The following ASPG variants were observed in gnomAD, a reference collection of about 807,000 sequenced individuals.
ASPG encodes the protein asparaginase, also known as 60 kDa lysophospholipase.
Under a neutral mutation model 63.2 loss-of-function variants are expected in ASPG, and 53 were observed. That is an observed-to-expected ratio of 0.84 (90% CI 0.67 to 1.05). The LOEUF is 1.05. ASPG is among the 50% of genes least tolerant of loss of function. The pLI is 0.00. For synonymous variants in ASPG, 370 were observed against 355.0 expected, an observed-to-expected ratio of 1.04 and a Z score of -0.48; for missense variants, 741 against 794.4, an observed-to-expected ratio of 0.93 and a Z score of 0.81.
intron 1 of ASPG, among the ~76,000 whole-genome samples, 180 bp from the exon 2 acceptor site, chr14:104,092,453 C>T (rs1027169374): frequency 3.9e-5 from 6 of 152,158 alleles, no homozygotes; most frequent in East Asian, 3.9e-4. Flanking sequence ...CTTCCAAACG[C>T]GGGTCAGCCG....
intron 6 of ASPG, among the ~76,000 whole-genome samples, chr14:104,100,900 T>G (rs2036846046): frequency 6.6e-6 from 1 of 152,158 alleles, no homozygotes; most frequent in Non-Finnish European, 1.5e-5. Context: ...TGGGGCCTGA[T>G]TCACACCTTA....
At chr14:104,107,090 G>T in intron 11 of ASPG, 92 bp from the exon 12 acceptor site, 1 of 1,465,516 alleles carries the variant, frequency 6.8e-7, no homozygotes. Flanking sequence ...GCTGTGCTGG[G>T]CCCTACCCTC....
intron 3 of ASPG, 43 bp from the exon 4 acceptor site, chr14:104,095,488 C>T: frequency 6.2e-7 from 1 of 1,610,284 alleles, no homozygotes; most frequent in Non-Finnish European, 8.5e-7. Flanking sequence ...CCCACACCTG[C>T]TTGCGAGGGG....
rs367683206 is a variant in ASPG, at chr14:104,114,139, G to C, written c.*1595G>C. 1.3e-5 allele frequency: 2 copies of C among 152,294 alleles called. No individual in the cohort carries two copies. Among genetic ancestry groups the C allele is most frequent in the African/African-American group, 4.8e-5 (2 of 41,456 alleles). 9.4% of individuals were successfully genotyped at this position (152,294 alleles called of 1,614,324 possible). On this transcript the variant is annotated 3_prime_UTR_variant, in exon 16 of 16. Coordinates refer to ENST00000551177, the MANE Select transcript of ASPG (RefSeq NM_001080464.3). ...ACGCCACCCCACTCAGTGCTGCTCC[G>C]GGTTGTGAAAGCTGCAGGTGGCTCA...
At position 104,110,060 on chromosome 14, in the gene ASPG, T is replaced by C; in HGVS notation, c.1520+745T>C. ...ACCCCATGCCTTGTGCCTGGTGACT[T>C]GGCGCTGCCTCCTGTGCCCAGCCTG... On this transcript the variant is annotated intron_variant, in intron 13 of 15. Coordinates refer to ENST00000551177, the MANE Select transcript of ASPG (RefSeq NM_001080464.3). This position sits in a 1 kb window ranked among gnomAD's most constrained non-coding sequence, Gnocchi z 4.7. The C allele has an allele frequency of 2.0e-6, 2 of 985,344 alleles. No homozygotes were observed. Among genetic ancestry groups the C allele is most frequent in the Non-Finnish European group, 2.4e-6 (2 of 829,908 alleles). 61.0% of individuals were successfully genotyped at this position (985,344 alleles called of 1,614,324 possible). A position where few individuals can be genotyped will look rare whatever the true frequency, so the allele number is the denominator to read the frequency against.
intron 12 of ASPG, among the ~76,000 whole-genome samples, chr14:104,107,635 C>A (rs181071701): frequency 6.6e-6 from 1 of 152,152 alleles, no homozygotes; most frequent in Non-Finnish European, 1.5e-5. Flanking sequence ...CAGCCAGACG[C>A]GGTCAATAAA....
chr14:104,103,538 C>T, intron 6 of ASPG, 25 bp from the exon 7 acceptor site: 1 of 1,539,940 alleles, frequency 6.5e-7, no homozygotes, highest in South Asian at 1.2e-5. Context: ...CTGAAGGCAC[C>T]ACACAGGCCC....
Position 104,098,893 on chromosome 14 carries a change from G to A in ASPG, c.554G>A (p.Arg185Gln), listed in dbSNP as rs767557661. The part of the protein sequence containing the change: ...FFQNQLFRGN[R>Q]ATKVDARRFA... ...CAGAATCAGCTGTTTCGGGGCAACC[G>A]GGCAACCAAGGTAGACGCTCGGAGG... The change falls in exon 6 of 16, where the codon CGG becomes CAG. Residue 185 changes from arginine (R) to glutamine (Q), a missense_variant. Transcript: ENST00000551177. 8 of 1,612,740 alleles carry A rather than the reference G, an allele frequency of 5.0e-6. No homozygotes were observed. The East Asian group carries it at 1.3e-4, about 27-fold the overall frequency.
intron 6 of ASPG, among the ~76,000 whole-genome samples, chr14:104,099,211 C>T (rs1319475394): frequency 6.6e-6 from 1 of 152,188 alleles, no homozygotes; most frequent in Non-Finnish European, 1.5e-5. Flanking sequence ...GGCTCAGAGG[C>T]GGGAGGCCTG....
At chr14:104,097,173 C>G (rs1217287350) in intron 4 of ASPG, among the ~76,000 whole-genome samples, 3 of 152,206 alleles carry the variant, frequency 2.0e-5, no homozygotes, top group African/African-American at 2.4e-5. Context: ...CGGCTGGCCC[C>G]TGCTGCCAGC....
chr14:104,100,436 A>G (rs1405071750), intron 6 of ASPG, among the ~76,000 whole-genome samples: 1 of 152,100 alleles, frequency 6.6e-6, no homozygotes, highest in Non-Finnish European at 1.5e-5. Context: ...GCAGGACAGG[A>G]CAGAGGAAAC....
chr14:104,112,333 C>T (rs370112133), intron 15 of ASPG, among the ~76,000 whole-genome samples, 191 bp from the exon 16 acceptor site: 4 of 152,054 alleles, frequency 2.6e-5, no homozygotes, highest in Middle Eastern at 3.2e-3. Context: ...TGGGTGCTTC[C>T]GCTTGTCTCC....
At chr14:104,098,736 C>A (rs1170682703) in intron 5 of ASPG, 117 bp from the exon 6 acceptor site, 9 of 1,467,964 alleles carry the variant, frequency 6.1e-6, no homozygotes, top group Admixed American at 5.8e-5. Context: ...GGTGGGGTTA[C>A]AGTCCCACCT....
At chr14:104,092,919 C>T in intron 2 of ASPG, 178 bp downstream of exon 2, 1 of 599,570 alleles carries the variant, frequency 1.7e-6, no homozygotes, top group South Asian at 2.1e-5. Context: ...AGAGCCTGAA[C>T]CTCTGAGGGT....
chr14:104,097,879 C>T (rs1270927069), intron 5 of ASPG, among the ~76,000 whole-genome samples: 1 of 142,170 alleles, frequency 7.0e-6, no homozygotes, highest in African/African-American at 2.6e-5. Context: ...GTTAGAGATA[C>T]GTATGGAGGT....
At chr14:104,102,803 T>A (rs548939398) in intron 6 of ASPG, among the ~76,000 whole-genome samples, 40 of 152,098 alleles carry the variant, frequency 2.6e-4, no homozygotes, top group Non-Finnish European at 5.0e-4. Context: ...AGGACAAGCA[T>A]GTCCTCTGGG....
chr14:104,094,323 C>T (rs571955879), intron 3 of ASPG, among the ~76,000 whole-genome samples: 62 of 152,132 alleles, frequency 4.1e-4, no homozygotes, highest in Admixed American at 9.8e-4. Context: ...GCCCTCTGTC[C>T]GTCCCCGCCC....
In ASPG at chr14:104,109,395, G is replaced by A. The variant is rs2037289306; in HGVS notation, c.1520+80G>A. ...GAAGCGAAGCCAGACCTGCTGGGAG[G>A]GACAAGTGAGTCAGGGTGTGGGGGC... On this transcript the variant is annotated intron_variant, in intron 13 of 15. Coordinates refer to ENST00000551177, the MANE Select transcript of ASPG (RefSeq NM_001080464.3). The surrounding 1 kb of genome is among the most constrained non-coding windows in gnomAD (Gnocchi z 4.8). 1.4e-6 allele frequency: 2 copies of A among 1,445,212 alleles called. No homozygotes were observed. The highest frequency in any genetic ancestry group is 1.4e-5 in the African/African-American group (1 of 71,572). 89.5% of individuals were successfully genotyped at this position (1,445,212 alleles called of 1,614,324 possible). A position where few individuals can be genotyped will look rare whatever the true frequency, so the allele number is the denominator to read the frequency against.
Position 104,109,740 on chromosome 14 carries a change from T to C in ASPG, c.1520+425T>C, listed in dbSNP as rs2037307350. 6.6e-6 allele frequency among the ~76,000 whole-genome samples: 1 copy of C among 151,802 alleles called. No homozygotes were observed. On this transcript the variant is annotated intron_variant, in intron 13 of 15. Coordinates refer to ENST00000551177, the MANE Select transcript of ASPG (RefSeq NM_001080464.3). This position sits in a 1 kb window ranked among gnomAD's most constrained non-coding sequence, Gnocchi z 4.8. ...TGGGGCACAGAGGAGCTGAAGCCCC[T>C]GGCAGGTGACAGGTCTCGTGAGCTC...
Sources: allele counts gnomAD v4.1 joint callset (sites outside exome capture counted in the v4.1 genomes callset), GRCh38; gene constraint gnomAD v4.1.1; non-coding constraint Gnocchi (gnomAD v3.1); transcripts MANE v1.5; gene names NCBI Gene and HGNC (gene_info 2026-07-23, HGNC 2026-07-21).